RABGAP1L: variants seen among roughly 807,000 people sequenced by gnomAD.
RABGAP1L encodes the protein RAB GTPase activating protein 1 like.
Under a neutral mutation model 137.7 loss-of-function variants are expected in RABGAP1L, and 63 were observed. The ratio of observed to expected loss-of-function variants is 0.46; its 90% CI spans 0.37 to 0.56. RABGAP1L has a LOEUF of 0.56. RABGAP1L is among the 20% of genes least tolerant of loss of function. The probability of loss-of-function intolerance (pLI) is 0.00; values close to 1 mark genes in which losing one functional copy is unlikely to be tolerated. For synonymous variants in RABGAP1L, 431 were observed against 433.7 expected (o/e 0.99, Z 0.08); for missense variants, 1,095 against 1,244.0 (o/e 0.88, Z 1.80).
intron 13 of RABGAP1L, among the ~76,000 whole-genome samples, chr1:174,489,498 A>T (rs1660007650): frequency 6.6e-6 from 1 of 152,038 alleles, no homozygotes; most frequent in Admixed American, 6.6e-5. Context: ...CACACCAGTT[A>T]GAATGGCGAT....
intron 21 of RABGAP1L, among the ~76,000 whole-genome samples, chr1:174,972,807 T>A (rs1670256450): frequency 7.9e-6 from 1 of 125,958 alleles, no homozygotes. Context: ...TGAGCCAAGA[T>A]CGCACCATTG....
intron 11 of RABGAP1L, among the ~76,000 whole-genome samples, chr1:174,332,601 G>C (rs565367142): frequency 3.3e-5 from 5 of 152,058 alleles, no homozygotes; most frequent in Middle Eastern, 3.4e-3. Flanking sequence ...TTCCCATTTT[G>C]GCCAGGCTGG....
chr1:174,743,684 G>GTT (rs111445925), intron 17 of RABGAP1L, among the ~76,000 whole-genome samples: 1 of 151,760 alleles, frequency 6.6e-6, no homozygotes, highest in African/African-American at 2.4e-5. Flanking sequence ...GCAAAACTAT[G>GTT]TTTTTTTAAA....
At chr1:174,600,216 A>G (rs187375199) in intron 13 of RABGAP1L, among the ~76,000 whole-genome samples, 11 of 152,302 alleles carry the variant, frequency 7.2e-5, no homozygotes, top group African/African-American at 9.6e-5. Flanking sequence ...CCATGATTCA[A>G]TCACCTCCAC....
chr1:174,608,965 CATA>C (rs1163399387), intron 13 of RABGAP1L, among the ~76,000 whole-genome samples: 1 of 152,092 alleles, frequency 6.6e-6, no homozygotes, highest in African/African-American at 2.4e-5. Flanking sequence ...CTCTATTTTT[CATA>C]ATATTTTCAT....
chr1:174,652,815 CT>C, intron 14 of RABGAP1L, among the ~76,000 whole-genome samples: 1 of 152,344 alleles, frequency 6.6e-6, no homozygotes, highest in African/African-American at 2.4e-5. Context: ...CTTAGCAGAA[CT>C]CAAGCACAGT....
chr1:174,401,271 G>A (rs1397813214), intron 13 of RABGAP1L, among the ~76,000 whole-genome samples: 1 of 152,084 alleles, frequency 6.6e-6, no homozygotes, highest in African/African-American at 2.4e-5. Context: ...GTGACCTTGG[G>A]CAAGCTCCTT....
intron 19 of RABGAP1L, among the ~76,000 whole-genome samples, chr1:174,863,147 GC>G (rs2149027991): frequency 7.3e-6 from 1 of 136,458 alleles, no homozygotes; most frequent in Admixed American, 8.2e-5. Context: ...ACCCACCTCG[GC>G]GTCCCAAAGT....
At chr1:174,832,267 T>C in intron 19 of RABGAP1L, among the ~76,000 whole-genome samples, 1 of 143,552 alleles carries the variant, frequency 7.0e-6, no homozygotes, top group South Asian at 2.3e-4. Context: ...CATTCCAGCC[T>C]GGGCGATAGA....
chr1:174,352,069 A>G (rs1222397507), intron 11 of RABGAP1L, among the ~76,000 whole-genome samples: 8 of 151,904 alleles, frequency 5.3e-5, no homozygotes, highest in Non-Finnish European at 7.4e-5. Context: ...CGGACTCCCA[A>G]AGTGCTGGGA....
chr1:174,322,925 A>G (rs1680124356), intron 11 of RABGAP1L, among the ~76,000 whole-genome samples: 1 of 152,208 alleles, frequency 6.6e-6, no homozygotes, highest in Non-Finnish European at 1.5e-5. Flanking sequence ...AGCATCTAAC[A>G]GAAAGTTACT....
intron 13 of RABGAP1L, among the ~76,000 whole-genome samples, chr1:174,488,492 A>G (rs1043730856): frequency 2.6e-5 from 4 of 151,986 alleles, no homozygotes; most frequent in Non-Finnish European, 4.4e-5. Flanking sequence ...TAACTATTAA[A>G]TGTTTTGAAG....
At chr1:174,850,334 C>G (rs1454166319) in intron 19 of RABGAP1L, among the ~76,000 whole-genome samples, 2 of 152,180 alleles carry the variant, frequency 1.3e-5, no homozygotes, top group African/African-American at 4.8e-5. Context: ...TTCCCAAATA[C>G]ATATGCTTTA....
At chr1:174,923,177 A>G (rs1335048116) in intron 19 of RABGAP1L, among the ~76,000 whole-genome samples, 1 of 152,092 alleles carries the variant, frequency 6.6e-6, no homozygotes, top group East Asian at 1.9e-4. Context: ...GCATATCTAT[A>G]GAGTTGTAGA....
chr1:174,660,180 C>T (rs1676270386), intron 14 of RABGAP1L, among the ~76,000 whole-genome samples: 1 of 152,128 alleles, frequency 6.6e-6, no homozygotes, highest in Non-Finnish European at 1.5e-5. Flanking sequence ...TCGCTCTCCA[C>T]CAGGGACAGA....
At chr1:174,978,981 C>G (rs1172599434) in intron 23 of RABGAP1L, 91 bp downstream of exon 23, 21 of 1,365,538 alleles carry the variant, frequency 1.5e-5, no homozygotes, top group Non-Finnish European at 2.0e-5. Flanking sequence ...GAGTTTGAGA[C>G]TAGCCTGAGC....
At chr1:174,638,976 T>C (rs1188194902) in intron 14 of RABGAP1L, among the ~76,000 whole-genome samples, 1 of 147,546 alleles carries the variant, frequency 6.8e-6, no homozygotes, top group Admixed American at 6.8e-5. Flanking sequence ...GCATGGCACA[T>C]GTATACATAT....
intron 20 of RABGAP1L, among the ~76,000 whole-genome samples, chr1:174,960,804 T>G (rs944315582): frequency 1.3e-5 from 2 of 152,218 alleles, no homozygotes; most frequent in Non-Finnish European, 2.9e-5. Flanking sequence ...TGTCCATATT[T>G]GCAGAATAAA....
At chr1:174,310,747 T>C (rs1678752210) in intron 11 of RABGAP1L, among the ~76,000 whole-genome samples, 2 of 152,140 alleles carry the variant, frequency 1.3e-5, no homozygotes, top group Admixed American at 1.3e-4. Flanking sequence ...GTGTATATAT[T>C]TATGGGGTAC....
Sources: allele counts gnomAD v4.1 joint callset (sites outside exome capture counted in the v4.1 genomes callset), GRCh38; gene constraint gnomAD v4.1.1; transcripts MANE v1.5; gene names NCBI Gene and HGNC (gene_info 2026-07-23, HGNC 2026-07-21).